Variants in ARHGAP42 observed in about 807,000 individuals in gnomAD.
ARHGAP42 encodes the protein Rho GTPase activating protein 42.
ARHGAP42 carries 63 observed loss-of-function variants against 125.0 expected under a neutral mutation model. That is an observed-to-expected ratio of 0.50 (90% confidence interval 0.41 to 0.62). The LOEUF (loss-of-function observed/expected upper bound fraction) is 0.62, where lower values mean the gene tolerates loss of function less well. Among genes scored for constraint, ARHGAP42 ranks in the 20% least tolerant of loss-of-function variants. The pLI, the probability that ARHGAP42 is intolerant of heterozygous loss-of-function variation, is 0.00. For missense variants in ARHGAP42, 766 were observed against 1,024.2 expected (o/e 0.75, Z 3.44); for synonymous variants, 339 against 351.0 (o/e 0.97, Z 0.38).
chr11:100,814,021 T>C (rs1455264375), intron 3 of ARHGAP42, among the ~76,000 whole-genome samples: 6 of 152,026 alleles, frequency 3.9e-5, no homozygotes. Context: ...TGAAATCCTG[T>C]CTGTACTAAA....
intron 1 of ARHGAP42, among the ~76,000 whole-genome samples, chr11:100,725,175 CTT>C (rs556524299): frequency 2.0e-4 from 28 of 141,486 alleles, no homozygotes; most frequent in Admixed American, 2.1e-4. Flanking sequence ...AATATTTTTC[CTT>C]TTTTTTTTTT....
chr11:100,755,179 AC>A lies in ARHGAP42; in HGVS notation c.155-15163del, dbSNP rs1862544436. Among the ~76,000 whole-genome samples, 3 of 152,214 alleles carry A rather than the reference AC, an allele frequency of 2.0e-5. No homozygotes were observed. In the South Asian group the frequency reaches 6.2e-4, roughly 32 times the overall value. On this transcript the variant is annotated intron_variant, in intron 1 of 23. Transcript: ENST00000298815. ...TGCTAGGGTGTAAGAGTGTGTGTGC[AC>A]ACATGTGCATGCACGCACATATGTG...
In ARHGAP42 at chr11:100,805,436, A is replaced by G. The variant is rs576816820; in HGVS notation, c.312+10270A>G. Among the ~76,000 whole-genome samples the G allele has an allele frequency of 1.6e-3, 240 of 152,306 alleles. 1 individual carries two copies. Among genetic ancestry groups the G allele is most frequent in the African/African-American group, 5.6e-3 (232 of 41,570 alleles). The stretch of plus-strand genomic sequence containing the variant: ...AGTCATAAGTTTTGAAATTATCTTA[A>G]TTTTCAATAAGTTCATCATATTGTT... On this transcript the variant is annotated intron_variant, in intron 3 of 23. Transcript: ENST00000298815.
At chr11:100,728,044 T>G (rs528440124) in intron 1 of ARHGAP42, among the ~76,000 whole-genome samples, 113 of 152,214 alleles carry the variant, frequency 7.4e-4, no homozygotes, top group African/African-American at 2.6e-3. Flanking sequence ...GTTGGAGAAT[T>G]GGTTGGTGAA....
rs1565311806 is a variant in ARHGAP42 at position 100,992,809 on chromosome 11, C to T, written c.*4008C>T. 4.6e-6 allele frequency: 6 copies of T among 1,291,484 alleles called. No homozygotes were observed. Among genetic ancestry groups the T allele is most frequent in the Non-Finnish European group, 6.4e-6 (6 of 937,178 alleles). 80.0% of individuals were successfully genotyped at this position (1,291,484 alleles called of 1,614,324 possible). A position where few individuals can be genotyped will look rare whatever the true frequency, so the allele number is the denominator to read the frequency against. The stretch of plus-strand genomic sequence containing the variant: ...TACATAAGAATGTTGACAACATTCA[C>T]AGTAAGCCATTGGCAGAAAATTGAT... On this transcript the variant is annotated 3_prime_UTR_variant, in exon 24 of 24. Coordinates refer to ENST00000298815, the MANE Select transcript of ARHGAP42 (RefSeq NM_152432.4).
intron 4 of ARHGAP42, among the ~76,000 whole-genome samples, chr11:100,865,618 C>T (rs1211383012): frequency 6.6e-6 from 1 of 152,102 alleles, no homozygotes; most frequent in East Asian, 1.9e-4. Flanking sequence ...GACCACTGGC[C>T]TAAAACAAAT....
chr11:100,904,655 T>C (rs1357281855), intron 4 of ARHGAP42, among the ~76,000 whole-genome samples: 5 of 151,792 alleles, frequency 3.3e-5, no homozygotes, highest in Non-Finnish European at 7.4e-5. Context: ...CCTCCCCACC[T>C]TTTTTTTGGA....
At chr11:100,836,961 A>G (rs2135103839) in intron 3 of ARHGAP42, among the ~76,000 whole-genome samples, 1 of 152,206 alleles carries the variant, frequency 6.6e-6, no homozygotes, top group African/African-American at 2.4e-5. Context: ...TGGTTTTGGA[A>G]GCATAGAAAT....
chr11:100,866,281 G>T (rs1017042091), intron 4 of ARHGAP42, among the ~76,000 whole-genome samples: 3 of 152,174 alleles, frequency 2.0e-5, no homozygotes, highest in Non-Finnish European at 1.5e-5. Context: ...TTTGCAGGAA[G>T]TTCCTCCACT....
At chr11:100,883,729 G>A in intron 4 of ARHGAP42, among the ~76,000 whole-genome samples, 1 of 152,262 alleles carries the variant, frequency 6.6e-6, no homozygotes, top group South Asian at 2.1e-4. Context: ...GGGTTTAGAA[G>A]CCTTTTTTGG....
intron 3 of ARHGAP42, among the ~76,000 whole-genome samples, chr11:100,836,827 A>C (rs1431029803): frequency 6.7e-6 from 1 of 148,228 alleles, no homozygotes. Context: ...TGAACACCTC[A>C]TTATTATTTT....
chr11:100,705,048 AAAAG>A (rs1172309511), intron 1 of ARHGAP42, among the ~76,000 whole-genome samples: 8 of 151,878 alleles, frequency 5.3e-5, no homozygotes, highest in African/African-American at 1.2e-4. Flanking sequence ...GAAGAAAAGA[AAAAG>A]AAAGACACTG....
intron 7 of ARHGAP42, among the ~76,000 whole-genome samples, chr11:100,934,370 C>T (rs569624329): frequency 4.6e-5 from 7 of 151,230 alleles, no homozygotes; most frequent in Admixed American, 6.6e-5. Flanking sequence ...GCATATTACC[C>T]GTCTAACCTG....
At chr11:100,863,079 C>CACA (rs1555013589) in intron 4 of ARHGAP42, among the ~76,000 whole-genome samples, 10 of 110,458 alleles carry the variant, frequency 9.1e-5, no homozygotes, top group African/African-American at 3.5e-4. Flanking sequence ...CACACACACA[C>CACA]ACAACAACAA....
At chr11:100,828,009 C>T (rs1412841691) in intron 3 of ARHGAP42, among the ~76,000 whole-genome samples, 9 of 152,204 alleles carry the variant, frequency 5.9e-5, no homozygotes, top group Non-Finnish European at 1.3e-4. Context: ...GGTCTGCCCA[C>T]AGTCTCATCC....
intron 3 of ARHGAP42, among the ~76,000 whole-genome samples, chr11:100,836,484 T>C (rs760689445): frequency 2.0e-5 from 3 of 152,120 alleles, no homozygotes; most frequent in Non-Finnish European, 4.4e-5. Context: ...CTCTGAGTTA[T>C]AGGAGAAATA....
At chr11:100,938,142 C>T (rs764428502) in intron 8 of ARHGAP42, among the ~76,000 whole-genome samples, 3 of 151,662 alleles carry the variant, frequency 2.0e-5, no homozygotes, top group Non-Finnish European at 4.4e-5. Flanking sequence ...ACCAGTGTTT[C>T]TCTGTAGCCT....
Position 100,699,882 on chromosome 11 carries a change from C to G in ARHGAP42, c.154+12050C>G, listed in dbSNP as rs113224720. On this transcript the variant is annotated intron_variant, in intron 1 of 23. Coordinates refer to ENST00000298815, the MANE Select transcript of ARHGAP42 (RefSeq NM_152432.4). ...ATAAAAGTGCCAGCAGTGCCATGCTCTGTCTGAGTTCTCTATGGGAGGACC... is the reference window on the plus strand; with the variant it reads ...ATAAAAGTGCCAGCAGTGCCATGCTGTGTCTGAGTTCTCTATGGGAGGACC... 4.3e-3 allele frequency among the ~76,000 whole-genome samples: 650 copies of G among 152,166 alleles called. 5 individuals carry two copies. Among genetic ancestry groups the G allele is most frequent in the Middle Eastern group, 0.02 (6 of 294 alleles).
At chr11:100,846,311 C>T (rs779149303) in intron 3 of ARHGAP42, among the ~76,000 whole-genome samples, 36 of 152,078 alleles carry the variant, frequency 2.4e-4, no homozygotes, top group East Asian at 5.8e-4. Context: ...CTCAATGGTT[C>T]GTCAGAACAC....
Sources: allele counts gnomAD v4.1 joint callset (sites outside exome capture counted in the v4.1 genomes callset), GRCh38; gene constraint gnomAD v4.1.1; transcripts MANE v1.5; gene names NCBI Gene and HGNC (gene_info 2026-07-23, HGNC 2026-07-21).